FER: variants seen among roughly 807,000 people sequenced by gnomAD.
FER encodes FER tyrosine kinase.
Under a neutral mutation model 111.0 loss-of-function variants are expected in FER, and 63 were observed. The observed-to-expected ratio is 0.57, with a 90% CI of 0.46 to 0.70. FER has a LOEUF of 0.70. Ranked by LOEUF, FER falls within the 30% of genes least tolerant of loss-of-function variation. The pLI is 0.00. For missense variants in FER, 914 were observed against 954.0 expected (o/e 0.96, Z 0.55); for synonymous variants, 327 against 313.9 (o/e 1.04, Z -0.44).
At chr5:108,831,546 C>T (rs1456058243) in intron 3 of FER, among the ~76,000 whole-genome samples, 24 of 152,160 alleles carry the variant, frequency 1.6e-4, no homozygotes, top group Non-Finnish European at 1.5e-5. Context: ...GGTTTATAGG[C>T]CGCACATATG....
chr5:108,868,730 G>A (rs1388136494), intron 6 of FER, among the ~76,000 whole-genome samples: 2 of 152,014 alleles, frequency 1.3e-5, no homozygotes, highest in Non-Finnish European at 2.9e-5. Context: ...CTCTCAGGTG[G>A]AGTTAAAATT....
intron 16 of FER, among the ~76,000 whole-genome samples, chr5:109,063,330 C>G (rs190717291): frequency 1.8e-3 from 272 of 152,252 alleles, no homozygotes; most frequent in African/African-American, 6.2e-3. Flanking sequence ...TATGTGACTT[C>G]ACAGCTCTGG....
At chr5:108,803,770 A>G (rs1756918619) in intron 3 of FER, among the ~76,000 whole-genome samples, 1 of 152,030 alleles carries the variant, frequency 6.6e-6, no homozygotes, top group African/African-American at 2.4e-5. Flanking sequence ...CGTAACATCA[A>G]GCCACTGGCT....
At chr5:109,143,342 T>C (rs1753723422) in intron 17 of FER, among the ~76,000 whole-genome samples, 1 of 152,154 alleles carries the variant, frequency 6.6e-6, no homozygotes, top group Non-Finnish European at 1.5e-5. Flanking sequence ...ACCTAAAAGA[T>C]AGATTGTCTA....
At chr5:108,823,783 C>A (rs1049447777) in intron 3 of FER, among the ~76,000 whole-genome samples, 1 of 152,024 alleles carries the variant, frequency 6.6e-6, no homozygotes, top group Admixed American at 6.6e-5. Context: ...TAGTTTGGTG[C>A]AGTCTCACTT....
At chr5:108,794,312 G>A (rs958174765) in intron 2 of FER, among the ~76,000 whole-genome samples, 1 of 151,432 alleles carries the variant, frequency 6.6e-6, no homozygotes, top group East Asian at 2.0e-4. Context: ...CCGCCTCCCA[G>A]GTTCAAGTGA....
intron 10 of FER, among the ~76,000 whole-genome samples, chr5:108,927,119 T>C (rs1164548705): frequency 1.3e-5 from 2 of 152,232 alleles, no homozygotes; most frequent in East Asian, 1.9e-4. Flanking sequence ...TCTCCTATTA[T>C]AATACACTTT....
Position 108,940,829 on chromosome 5 carries a change from C to T in FER, c.1237-5301C>T, listed in dbSNP as rs114846052. On this transcript the variant is annotated intron_variant, in intron 10 of 19. Transcript: ENST00000281092. ...GTGTGTTTCTGATGAGGGGTGTGGG[C>T]GTGGGGAGGAGTTCAGGCAGAAAAA... Among the ~76,000 whole-genome samples the T allele has an allele frequency of 6.0e-3, 907 of 151,912 alleles. 10 individuals are homozygous for T. The highest frequency in any genetic ancestry group is 0.021 in the African/African-American group (869 of 41,468).
chr5:109,088,532 C>T (rs1208096605), intron 16 of FER, among the ~76,000 whole-genome samples: 1 of 151,902 alleles, frequency 6.6e-6, no homozygotes, highest in African/African-American at 2.4e-5. Context: ...TTTGGTTGAG[C>T]ATTGGGGTTG....
rs373536507 is a variant in FER at position 109,157,413 on chromosome 5, C to G, written c.2049-23334C>G. Reference sequence around the variant, plus strand: ...TTCTACTCCCTTTGCTCTGTCATGCCTGGACTGTCATTTTTGTAAACCATT... The same window carrying G: ...TTCTACTCCCTTTGCTCTGTCATGCGTGGACTGTCATTTTTGTAAACCATT... On this transcript the variant is annotated intron_variant, in intron 17 of 19. Coordinates refer to ENST00000281092, the MANE Select transcript of FER (RefSeq NM_005246.4). 1.5e-4 allele frequency among the ~76,000 whole-genome samples: 23 copies of G among 152,156 alleles called. No homozygotes were observed. The South Asian group carries it at 4.6e-3, about 30-fold the overall frequency.
At chr5:108,851,804 G>A (rs888308816) in intron 5 of FER, among the ~76,000 whole-genome samples, 3 of 152,066 alleles carry the variant, frequency 2.0e-5, no homozygotes, top group African/African-American at 7.2e-5. Flanking sequence ...TTATGCTAGG[G>A]TTTTATGTTT....
chr5:108,783,394 C>T (rs1054576991), intron 2 of FER, among the ~76,000 whole-genome samples: 5 of 152,068 alleles, frequency 3.3e-5, no homozygotes, highest in Admixed American at 6.6e-5. Flanking sequence ...AGCATTTTTA[C>T]GATGGTTGTT....
intron 10 of FER, among the ~76,000 whole-genome samples, chr5:108,925,156 A>G (rs533964458): frequency 6.6e-6 from 1 of 150,930 alleles, no homozygotes; most frequent in African/African-American, 2.4e-5. Context: ...AAACTGAGCC[A>G]TGTTTCTCCT....
chr5:108,797,679 A>G (rs1280766230), intron 2 of FER, among the ~76,000 whole-genome samples: 1 of 152,228 alleles, frequency 6.6e-6, no homozygotes, highest in Non-Finnish European at 1.5e-5. Flanking sequence ...CAGCGATAGG[A>G]AGTTAAAACT....
At chr5:109,017,803 T>A (rs180713681) in intron 13 of FER, among the ~76,000 whole-genome samples, 72 of 152,042 alleles carry the variant, frequency 4.7e-4, no homozygotes, top group Admixed American at 6.6e-4. Flanking sequence ...TAAATGACCA[T>A]TATCCAAGAA....
intron 5 of FER, among the ~76,000 whole-genome samples, chr5:108,857,947 A>C (rs1243211082): frequency 6.6e-6 from 1 of 152,098 alleles, no homozygotes; most frequent in Non-Finnish European, 1.5e-5. Flanking sequence ...TTCAGGTTCC[A>C]TTTCTCTATG....
intron 17 of FER, among the ~76,000 whole-genome samples, chr5:109,111,810 A>C (rs1352687414): frequency 6.6e-6 from 1 of 152,102 alleles, no homozygotes; most frequent in Non-Finnish European, 1.5e-5. Context: ...CACCCCCATG[A>C]TCCAATCACC....
intron 16 of FER, among the ~76,000 whole-genome samples, chr5:109,095,691 A>G (rs866579671): frequency 6.6e-6 from 1 of 152,124 alleles, no homozygotes; most frequent in African/African-American, 2.4e-5. Flanking sequence ...GTCATTTCTG[A>G]TGGGCTGGCT....
At chr5:109,063,078 G>A (rs1313944446) in intron 16 of FER, among the ~76,000 whole-genome samples, 1 of 151,744 alleles carries the variant, frequency 6.6e-6, no homozygotes, top group Non-Finnish European at 1.5e-5. Flanking sequence ...AGAAATTTTA[G>A]GCTTAGAAAT....
Sources: gnomAD v4.1 joint callset for allele counts (sites outside exome capture counted in the v4.1 genomes callset) on GRCh38, gnomAD v4.1.1 for gene constraint, MANE v1.5 for transcripts, NCBI Gene and HGNC (gene_info 2026-07-23, HGNC 2026-07-21) for gene names.